The following NUMB variants were observed in gnomAD, a reference collection of about 807,000 sequenced individuals.
The protein encoded by NUMB is protein numb homolog.
Under a neutral mutation model 59.7 loss-of-function variants are expected in NUMB, and 29 were observed. The ratio of observed to expected loss-of-function variants is 0.49; its 90% CI spans 0.36 to 0.66. NUMB has a LOEUF of 0.66. Ranked by LOEUF, NUMB falls within the 30% of genes least tolerant of loss-of-function variation. The pLI is 0.00. For missense variants in NUMB, 723 were observed against 822.0 expected, an observed-to-expected ratio of 0.88 and a Z score of 1.47; for synonymous variants, 288 against 288.2, an observed-to-expected ratio of 1.00 and a Z score of 0.01.
chr14:73,343,821 T>C (rs530351031), intron 4 of NUMB, among the ~76,000 whole-genome samples: 128 of 152,310 alleles, frequency 8.4e-4, no homozygotes, highest in African/African-American at 3.0e-3. Flanking sequence ...ATACTATGTA[T>C]GTAAAAAGAA....
chr14:73,275,623 G>C lies in NUMB; in HGVS notation c.*955C>G, dbSNP rs981904539. 2.0e-5 allele frequency: 3 copies of C among 152,038 alleles called. No individual in the cohort carries two copies. The allele number at this position is 152,038 out of a possible 1,614,324, so 9.4% of individuals were successfully genotyped here. On this transcript the variant is annotated 3_prime_UTR_variant, in exon 13 of 13. Transcript: ENST00000555238. Reference sequence around the variant, plus strand: ...ATATATAAAAGATATATTCTCTATAGAGCATATTTCGATTGATTCCATTAA... The same window carrying C: ...ATATATAAAAGATATATTCTCTATACAGCATATTTCGATTGATTCCATTAA...
intron 2 of NUMB, among the ~76,000 whole-genome samples, chr14:73,383,729 T>TG (rs1440306905): frequency 6.6e-6 from 1 of 151,948 alleles, no homozygotes; most frequent in Non-Finnish European, 1.5e-5. Context: ...ATAAAAACAA[T>TG]GGGGGGCTGG....
At chr14:73,277,915 G>A (rs968535881) in intron 12 of NUMB, among the ~76,000 whole-genome samples, 1 of 151,882 alleles carries the variant, frequency 6.6e-6, no homozygotes, top group African/African-American at 2.4e-5. Context: ...AAAATTAGCT[G>A]GGCGTGGTGG....
intron 2 of NUMB, among the ~76,000 whole-genome samples, chr14:73,368,387 G>A (rs902069854): frequency 6.6e-5 from 10 of 152,078 alleles, no homozygotes; most frequent in African/African-American, 2.4e-4. Flanking sequence ...AGACCAGCCT[G>A]GCCAACACAG....
chr14:73,299,997 T>C lies in NUMB; in HGVS notation c.235-2712A>G, dbSNP rs530514391. On this transcript the variant is annotated intron_variant, in intron 6 of 12. Coordinates refer to ENST00000555238, the MANE Select transcript of NUMB (RefSeq NM_001005743.2). ...AGTTTGTTAAAAGGATTAGATATTA[T>C]ATACAGTACCTGGAATTTAAATAGG... is the stretch of plus-strand genomic sequence containing the variant. 5.3e-5 allele frequency among the ~76,000 whole-genome samples: 8 copies of C among 152,324 alleles called. No individual in the cohort carries two copies. In the South Asian group the frequency reaches 6.2e-4, roughly 12 times the overall value.
chr14:73,367,296 T>TACATACACACAC (rs1555375243), intron 2 of NUMB, among the ~76,000 whole-genome samples: 8 of 121,014 alleles, frequency 6.6e-5, no homozygotes, highest in African/African-American at 2.5e-4. Context: ...TATATATATA[T>TACATACACACAC]ACACACACAC....
intron 1 of NUMB, among the ~76,000 whole-genome samples, chr14:73,413,797 A>T (rs1897004492): frequency 6.6e-6 from 1 of 152,126 alleles, no homozygotes; most frequent in African/African-American, 2.4e-5. Flanking sequence ...AAACAAAATA[A>T]AAACAAACAA....
chr14:73,396,712 C>G (rs937933646), intron 2 of NUMB, among the ~76,000 whole-genome samples: 2 of 152,050 alleles, frequency 1.3e-5, no homozygotes, highest in African/African-American at 4.8e-5. Flanking sequence ...TTAAAATGAA[C>G]ATATATTGAG....
chr14:73,292,848 C>T lies in NUMB; in HGVS notation c.336G>A (p.Glu112=). ...TKDLIVDQTI[E]KVSFCAPDRN... ...TGTCTGGGGCACAGAAAGAAACTTT[C>T]TCTATCGTCTGGTCAACTATGAGGT... Residue 112 remains glutamate (E), a synonymous_variant, in exon 8 of 13, where the codon GAG becomes GAA. Coordinates refer to ENST00000555238, the MANE Select transcript of NUMB (RefSeq NM_001005743.2). 3 of 1,614,204 alleles carry T rather than the reference C, an allele frequency of 1.9e-6. No individual in the cohort carries two copies. Among genetic ancestry groups the T allele is most frequent in the Non-Finnish European group, 2.5e-6 (3 of 1,180,018 alleles).
In NUMB at chr14:73,436,995, AAAAG is replaced by A. The variant is rs1349834378; in HGVS notation, c.-233+21494_-233+21497del. 1.6e-3 allele frequency among the ~76,000 whole-genome samples: 237 copies of A among 151,872 alleles called. 3 individuals are homozygous for A. The highest frequency in any genetic ancestry group is 5.3e-3 in the African/African-American group (220 of 41,464). On this transcript the variant is annotated intron_variant, in intron 1 of 12. Coordinates refer to ENST00000555238, the MANE Select transcript of NUMB (RefSeq NM_001005743.2). The stretch of plus-strand genomic sequence containing the variant: ...TCCATCTCAAAAAAATAAAGAAAAA[AAAAG>A]AAACTCTTAAATATATTTGTACCTA...
intron 1 of NUMB, among the ~76,000 whole-genome samples, chr14:73,455,431 G>T (rs1219150291): frequency 1.3e-5 from 2 of 152,060 alleles, no homozygotes; most frequent in Non-Finnish European, 1.5e-5. Context: ...TTAAAAACAC[G>T]CTGTAAATTA....
chr14:73,431,979 A>C (rs1897852359), intron 1 of NUMB, among the ~76,000 whole-genome samples: 1 of 150,196 alleles, frequency 6.7e-6, no homozygotes, highest in South Asian at 2.1e-4. Flanking sequence ...AACACTTTCC[A>C]AAAAAAAAAT....
Position 73,417,883 on chromosome 14 carries a change from G to C in NUMB, c.-232-7815C>G, listed in dbSNP as rs148156536. 1.1e-4 allele frequency among the ~76,000 whole-genome samples: 17 copies of C among 152,316 alleles called. No homozygotes were observed. In the East Asian group the frequency reaches 3.3e-3, roughly 29 times the overall value. ...GAACTTTGGGAGGATGAGGTAGGTAGATCACAAGGTCAGGAGTTCGAGACC... is the reference window on the plus strand; with the variant it reads ...GAACTTTGGGAGGATGAGGTAGGTACATCACAAGGTCAGGAGTTCGAGACC... On this transcript the variant is annotated intron_variant, in intron 1 of 12. Coordinates refer to ENST00000555238, the MANE Select transcript of NUMB (RefSeq NM_001005743.2).
intron 1 of NUMB, among the ~76,000 whole-genome samples, chr14:73,448,861 G>A (rs1039227965): frequency 2.6e-5 from 4 of 151,992 alleles, no homozygotes; most frequent in Admixed American, 1.3e-4. Flanking sequence ...AGGGGGACTC[G>A]ATCCAGGACC....
chr14:73,434,539 GAATCAGTGATTC>G lies in NUMB; in HGVS notation c.-233+23942_-233+23953del, dbSNP rs1317370813. Among the ~76,000 whole-genome samples, 21 of 152,126 alleles carry G rather than the reference GAATCAGTGATTC, an allele frequency of 1.4e-4. 1 individual carries two copies. Among genetic ancestry groups the G allele is most frequent in the African/African-American group, 5.1e-4 (21 of 41,496 alleles). On this transcript the variant is annotated intron_variant, in intron 1 of 12. Transcript: ENST00000555238. ...CAGATCACACTATTTTAACATTCTT[GAATCAGTGATTC>G]AATCAGTGAATCAAATTCAGAAAGT...
intron 1 of NUMB, among the ~76,000 whole-genome samples, chr14:73,444,146 A>G (rs1883290459): frequency 6.6e-6 from 1 of 152,148 alleles, no homozygotes; most frequent in African/African-American, 2.4e-5. Flanking sequence ...ATGCCTGTAA[A>G]CCCAACACTT....
intron 1 of NUMB, among the ~76,000 whole-genome samples, chr14:73,439,589 CTT>C (rs991074521): frequency 3.0e-4 from 46 of 152,242 alleles, no homozygotes; most frequent in Admixed American, 2.6e-3. Context: ...TTAATACAAT[CTT>C]TACAACACTT....
chr14:73,369,583 C>G (rs1894561883), intron 2 of NUMB, among the ~76,000 whole-genome samples: 1 of 152,186 alleles, frequency 6.6e-6, no homozygotes, highest in Non-Finnish European at 1.5e-5. Context: ...GAGTTACATA[C>G]AGCTGACTAA....
At chr14:73,358,132 G>C (rs1893909026) in intron 3 of NUMB, among the ~76,000 whole-genome samples, 1 of 152,074 alleles carries the variant, frequency 6.6e-6, no homozygotes, top group Non-Finnish European at 1.5e-5. Flanking sequence ...ACTATCCTGA[G>C]ACATTTTTCT....
Sources: allele counts gnomAD v4.1 joint callset (sites outside exome capture counted in the v4.1 genomes callset), GRCh38; gene constraint gnomAD v4.1.1; transcripts MANE v1.5; gene names NCBI Gene and HGNC (gene_info 2026-07-23, HGNC 2026-07-21).